CCND3: variants seen among roughly 807,000 people sequenced by gnomAD.
The protein encoded by CCND3 is G1/S-specific cyclin-D3.
Under a neutral mutation model 28.7 loss-of-function variants are expected in CCND3, and 9 were observed. The observed-to-expected ratio is 0.31, with a 90% confidence interval of 0.19 to 0.55. The LOEUF (loss-of-function observed/expected upper bound fraction) is 0.55. Ranked by LOEUF, CCND3 falls within the 20% of genes least tolerant of loss-of-function variation. The pLI is 0.93. For synonymous variants in CCND3, 164 were observed against 163.9 expected (o/e 1.00, Z 0.00); for missense variants, 315 against 385.8 (o/e 0.82, Z 1.54).
rs55721061 is a variant in CCND3 at position 42,003,162 on chromosome 6, C to CAAAAAAAAAAAAAA, written c.-46+45325_-46+45338dup. On this transcript the variant is annotated intron_variant, in intron 1 of 4. Coordinates refer to the CCND3 transcript ENST00000372988. ...GGACAACAAGAGCGAAACAGCGTGT[C>CAAAAAAAAAAAAAA]AAAAAAAAAAAAAAGAGAAATATTC... Among the ~76,000 whole-genome samples the CAAAAAAAAAAAAAA allele has an allele frequency of 8.3e-4, 92 of 110,266 alleles. 1 individual carries two copies. The highest frequency in any genetic ancestry group is 2.8e-3 in the African/African-American group (83 of 29,440). 72.3% of individuals were successfully genotyped at this position (110,266 alleles called of 152,430 possible).
chr6:42,022,129 G>A (rs140948082), intron 1 of CCND3, among the ~76,000 whole-genome samples: 31 of 152,322 alleles, frequency 2.0e-4, no homozygotes, highest in African/African-American at 7.5e-4. Context: ...TTCAGATTGA[G>A]TTCCACAAGG....
rs1409781929 is a variant in CCND3, at chr6:41,939,533, GTTT to G, written c.414+834_414+836del. Reference sequence around the variant, plus strand: ...CCTGCCCGGCCTGAGCCCAGCCCAAGTTTCCAGCAAGAGGCCCAGGGAGCCACT... The same window carrying G: ...CCTGCCCGGCCTGAGCCCAGCCCAAGCCAGCAAGAGGCCCAGGGAGCCACT... On this transcript the variant is annotated intron_variant, in intron 2 of 4. Coordinates refer to ENST00000372991, the MANE Select transcript of CCND3 (RefSeq NM_001760.5). The surrounding 1 kb of genome is among the most constrained non-coding windows in gnomAD (Gnocchi z 4.2). Among the ~76,000 whole-genome samples the G allele has an allele frequency of 6.6e-5, 10 of 152,322 alleles. No individual in the cohort carries two copies. Among genetic ancestry groups the G allele is most frequent in the Admixed American group, 1.3e-4 (2 of 15,308 alleles).
chr6:42,013,944 C>T (rs1001266003), intron 1 of CCND3, among the ~76,000 whole-genome samples: 12 of 152,032 alleles, frequency 7.9e-5, no homozygotes, highest in African/African-American at 1.9e-4. Context: ...TGGTGGTGTG[C>T]GCCTGTAGTC....
intron 1 of CCND3, among the ~76,000 whole-genome samples, chr6:41,969,398 C>T (rs1761975183): frequency 1.3e-5 from 2 of 152,112 alleles, no homozygotes; most frequent in African/African-American, 2.4e-5. Flanking sequence ...CGCCTGTAAT[C>T]CCAGCTACTC....
intron 1 of CCND3, among the ~76,000 whole-genome samples, chr6:41,976,874 C>T (rs2127410306): frequency 6.6e-6 from 1 of 152,224 alleles, no homozygotes; most frequent in Admixed American, 6.5e-5. Flanking sequence ...CGTACACTTG[C>T]TAATTTGAAT....
chr6:41,935,898 C>A lies in CCND3; in HGVS notation c.*42G>T. 1 of 1,565,978 alleles carries A rather than the reference C, an allele frequency of 6.4e-7. No homozygotes were observed. Among genetic ancestry groups the A allele is most frequent in the Non-Finnish European group, 8.7e-7 (1 of 1,150,638 alleles). ...AGGCAGGGAGGTGGGTGGCAGCGGC[C>A]CCTCCTCTGCTTAGTGGCCACTCCA... On this transcript the variant is annotated 3_prime_UTR_variant, in exon 5 of 5. Coordinates refer to ENST00000372991, the MANE Select transcript of CCND3 (RefSeq NM_001760.5).
chr6:42,031,810 ACT>A (rs71731785), intron 1 of CCND3, among the ~76,000 whole-genome samples: 1,615 of 138,324 alleles, frequency 0.012, 31 homozygotes, highest in East Asian at 0.079. Context: ...TTTGCAACTG[ACT>A]CTTTTTTTTT....
chr6:41,986,609 G>T (rs77179553), intron 1 of CCND3, among the ~76,000 whole-genome samples: 1 of 137,940 alleles, frequency 7.2e-6, no homozygotes, highest in Non-Finnish European at 1.6e-5. Context: ...TTACTACTTT[G>T]GTATGATGAT....
intron 1 of CCND3, among the ~76,000 whole-genome samples, chr6:42,016,646 C>T (rs1323326516): frequency 6.9e-6 from 1 of 144,244 alleles, no homozygotes; most frequent in Middle Eastern, 3.7e-3. Flanking sequence ...AGTGCACTGG[C>T]GCCATCTCGG....
intron 1 of CCND3, among the ~76,000 whole-genome samples, chr6:41,967,486 C>T (rs907081991): frequency 1.3e-5 from 2 of 152,170 alleles, no homozygotes; most frequent in African/African-American, 4.8e-5. Flanking sequence ...TGGGCCAGGA[C>T]ATATCAGCAA....
At chr6:41,996,086 G>A (rs189178672) in intron 1 of CCND3, among the ~76,000 whole-genome samples, 1 of 146,508 alleles carries the variant, frequency 6.8e-6, no homozygotes, top group Admixed American at 6.9e-5. Flanking sequence ...AGAGTTTCTA[G>A]TATTAGTAGA....
At chr6:42,046,163 A>C (rs1441569568) in intron 1 of CCND3, among the ~76,000 whole-genome samples, 1 of 152,202 alleles carries the variant, frequency 6.6e-6, no homozygotes, top group African/African-American at 2.4e-5. Context: ...GACCGCCTCA[A>C]GGCCTCCCCA....
intron 1 of CCND3, among the ~76,000 whole-genome samples, chr6:42,022,712 GC>G: frequency 6.6e-6 from 1 of 152,230 alleles, no homozygotes; most frequent in Non-Finnish European, 1.5e-5. Flanking sequence ...CTTTACACAT[GC>G]GTGGGTCTGG....
At chr6:41,975,494 C>A (rs2127409700) in intron 1 of CCND3, among the ~76,000 whole-genome samples, 1 of 152,290 alleles carries the variant, frequency 6.6e-6, no homozygotes, top group Non-Finnish European at 1.5e-5. Flanking sequence ...CAGTGGCACA[C>A]CCCCACGGCC....
intron 1 of CCND3, among the ~76,000 whole-genome samples, chr6:41,955,076 A>G (rs544488638): frequency 6.6e-6 from 1 of 152,216 alleles, no homozygotes; most frequent in Non-Finnish European, 1.5e-5. Flanking sequence ...TACTATCACT[A>G]CTTTCTCTAC....
At chr6:41,984,603 CT>C (rs2127413535) in intron 1 of CCND3, among the ~76,000 whole-genome samples, 1 of 152,328 alleles carries the variant, frequency 6.6e-6, no homozygotes, top group Non-Finnish European at 1.5e-5. Flanking sequence ...CTGCCTCGGC[CT>C]CCCAAAGTGT....
At chr6:41,949,817 G>A (rs1033398083) in intron 1 of CCND3, among the ~76,000 whole-genome samples, 1 of 150,948 alleles carries the variant, frequency 6.6e-6, no homozygotes, top group South Asian at 2.1e-4. Flanking sequence ...CTACAGGGCC[G>A]GGTGTGGTGG....
At chr6:42,019,103 T>C (rs1328067468) in intron 1 of CCND3, among the ~76,000 whole-genome samples, 1 of 152,156 alleles carries the variant, frequency 6.6e-6, no homozygotes, top group Non-Finnish European at 1.5e-5. Context: ...AATTGCAATC[T>C]ATAAATAAGT....
chr6:41,936,324 C>G lies in CCND3; in HGVS notation c.712-217G>C, dbSNP rs1775793672. 5 of 651,822 alleles carry G rather than the reference C, an allele frequency of 7.7e-6. No homozygotes were observed. Among genetic ancestry groups the G allele is most frequent in the Non-Finnish European group, 1.3e-5 (5 of 388,560 alleles). 40.4% of individuals were successfully genotyped at this position (651,822 alleles called of 1,614,324 possible). ...CATCTGACACCAAACCCCCCACCCC[C>G]ACTCCAGCACACCACTTGGCAAGAA... On this transcript the variant is annotated intron_variant, in intron 4 of 4. Coordinates refer to ENST00000372991, the MANE Select transcript of CCND3 (RefSeq NM_001760.5). This position sits in a 1 kb window ranked among gnomAD's most constrained non-coding sequence, Gnocchi z 4.4.
Sources: allele counts gnomAD v4.1 joint callset (sites outside exome capture counted in the v4.1 genomes callset), GRCh38; gene constraint gnomAD v4.1.1; non-coding constraint Gnocchi (gnomAD v3.1); transcripts MANE v1.5; gene names NCBI Gene and HGNC (gene_info 2026-07-23, HGNC 2026-07-21).